The following ACSL1 variants were observed in gnomAD, a reference collection of about 807,000 sequenced individuals.
ACSL1 encodes long-chain-fatty-acid--CoA ligase 1.
A neutral mutation model predicts 98.4 loss-of-function variants in ACSL1; 41 were observed. The observed-to-expected ratio is 0.42, with a 90% CI of 0.32 to 0.54. The LOEUF is 0.54. Ranked by LOEUF, ACSL1 falls within the 20% of genes least tolerant of loss-of-function variation. The probability of loss-of-function intolerance (pLI) is 0.13; values close to 1 mark genes in which losing one functional copy is unlikely to be tolerated. For synonymous variants in ACSL1, 316 were observed against 322.7 expected (o/e 0.98, Z 0.22); for missense variants, 734 against 883.1 (o/e 0.83, Z 2.14).
Position 184,766,717 on chromosome 4 carries a change from A to G in ACSL1, c.1168T>C (p.Leu390=), listed in dbSNP as rs538205726. 1.8e-4 allele frequency: 289 copies of G among 1,614,084 alleles called. 5 individuals are homozygous for G. The South Asian group carries it at 3.1e-3, about 17-fold the overall frequency. Residue 390 remains leucine (L), a synonymous_variant, in exon 13 of 21, where the codon TTG becomes CTG. Coordinates refer to ENST00000281455, the MANE Select transcript of ACSL1 (RefSeq NM_001995.5). The surrounding 1 kb of genome is among the most constrained non-coding windows in gnomAD (Gnocchi z 4.8). ...TCTTTCCTCTTGGAGGCAAAGTCCA[A>G]GAGCCATCGCTTCAGCGTGGTGTTT... The part of the protein sequence containing the change: ...QANTTLKRWL[L]DFASKRKEAE...
In ACSL1 at chr4:184,762,416, T is replaced by C. The variant is rs1181257818; in HGVS notation, c.1629A>G (p.Lys543=). The C allele has an allele frequency of 9.9e-6, 16 of 1,613,826 alleles. No individual in the cohort carries two copies. Among genetic ancestry groups the C allele is most frequent in the Non-Finnish European group, 1.2e-5 (14 of 1,179,702 alleles). ...DGWLHTGDIG[K]WLPNGTLKII... ...GGAGGCGGCAACTTACTGGTAACCA[T>C]TTTCCAATGTCCCCTGTGTGTAACC... Residue 543 remains lysine (K), a synonymous_variant, in exon 17 of 21, where the codon AAA becomes AAG. Transcript: ENST00000281455.
chr4:184,803,447 C>A lies in ACSL1; in HGVS notation c.68G>T (p.Arg23Leu). 1 of 1,613,526 alleles carries A rather than the reference C, an allele frequency of 6.2e-7. No individual in the cohort carries two copies. Among genetic ancestry groups the A allele is most frequent in the Non-Finnish European group, 8.5e-7 (1 of 1,179,772 alleles). Reference sequence around the variant, plus strand: ...CATAAGCGTGTTGGTCGGAAGAGTACGCACGTACTGTCGGAAGTCAACCAG... The same window carrying A: ...CATAAGCGTGTTGGTCGGAAGAGTAAGCACGTACTGTCGGAAGTCAACCAG... The part of the protein sequence containing the change: ...PELVDFRQYV[R>L]TLPTNTLMGF... The change falls in exon 2 of 21, where the codon CGT (arginine) becomes CTT (leucine). Residue 23 changes from arginine to leucine, a missense_variant. Physicochemically the swap from Arg to Leu is moderately radical, Grantham distance 102. Coordinates refer to ENST00000281455, the MANE Select transcript of ACSL1 (RefSeq NM_001995.5). The surrounding 1 kb of genome is among the most constrained non-coding windows in gnomAD (Gnocchi z 4.8).
chr4:184,770,359 C>T (rs937675681), intron 11 of ACSL1, 40 bp downstream of exon 11: 1 of 1,608,028 alleles, frequency 6.2e-7, no homozygotes, highest in Non-Finnish European at 8.5e-7. Flanking sequence ...CTTAGCAGAA[C>T]ATACACAAAC....
At chr4:184,821,193 C>A (rs1210374016) in intron 1 of ACSL1, 5 of 443,266 alleles carry the variant, frequency 1.1e-5, no homozygotes, top group Admixed American at 2.4e-5. Context: ...GCTACCACCT[C>A]GGTCAGCTAC....
At chr4:184,812,032 G>T in intron 1 of ACSL1, 2 of 362,344 alleles carry the variant, frequency 5.5e-6, no homozygotes, top group Non-Finnish European at 7.7e-6. Context: ...GGAGGCGGCG[G>T]TTCCACAACT....
chr4:184,773,486 G>A lies in ACSL1; in HGVS notation c.841+177C>T, dbSNP rs879873615. On this transcript the variant is annotated intron_variant, in intron 9 of 20. Transcript: ENST00000281455. The surrounding 1 kb of genome is among the most constrained non-coding windows in gnomAD (Gnocchi z 4.3). ...TCAATAAATGTTTGAGGAATTATCC[G>A]GCACTCTTGGACTCTGAGAAGATCT... Among the ~76,000 whole-genome samples the A allele has an allele frequency of 6.6e-6, 1 of 152,044 alleles. No individual in the cohort carries two copies. The highest frequency in any genetic ancestry group is 6.6e-5 in the Admixed American group (1 of 15,252).
chr4:184,810,696 T>C (rs1489296743), intron 1 of ACSL1, among the ~76,000 whole-genome samples: 1 of 152,000 alleles, frequency 6.6e-6, no homozygotes, highest in Non-Finnish European at 1.5e-5. Context: ...CGCACATTAA[T>C]CTGGAACAAA....
At position 184,773,195 on chromosome 4, in the gene ACSL1, C is replaced by T. The variant is rs1297881267; in HGVS notation, c.842-41G>A. ...GAAGCAGAACAAAGTTAAAGAATGA[C>T]AGAAATGAAGGAGGCCCAGAAACCT... On this transcript the variant is annotated intron_variant, in intron 9 of 20. Transcript: ENST00000281455. The surrounding 1 kb of genome is among the most constrained non-coding windows in gnomAD (Gnocchi z 4.3). 1.3e-6 allele frequency: 2 copies of T among 1,572,846 alleles called. No homozygotes were observed. Among genetic ancestry groups the T allele is most frequent in the Non-Finnish European group, 1.7e-6 (2 of 1,144,020 alleles).
At chr4:184,764,020 T>C (rs185835299) in intron 15 of ACSL1, among the ~76,000 whole-genome samples, 1 of 152,208 alleles carries the variant, frequency 6.6e-6, no homozygotes, top group African/African-American at 2.4e-5. Context: ...ACAATGATGT[T>C]AGTGGACAGT....
In ACSL1 at chr4:184,803,447, C is replaced by T. The variant is rs1482567949; in HGVS notation, c.68G>A (p.Arg23His). ...CATAAGCGTGTTGGTCGGAAGAGTA[C>T]GCACGTACTGTCGGAAGTCAACCAG... The part of the protein sequence containing the change: ...PELVDFRQYV[R>H]TLPTNTLMGF... The change falls in exon 2 of 21, where the codon CGT (arginine) becomes CAT (histidine). Residue 23 changes from arginine to histidine, a missense_variant. Transcript: ENST00000281455. This position sits in a 1 kb window ranked among gnomAD's most constrained non-coding sequence, Gnocchi z 4.8. 1.1e-5 allele frequency: 18 copies of T among 1,613,408 alleles called. No homozygotes were observed. The highest frequency in any genetic ancestry group is 5.3e-5 in the African/African-American group (4 of 74,872).
At chr4:184,802,596 G>C (rs1440883140) in intron 2 of ACSL1, among the ~76,000 whole-genome samples, 4 of 152,082 alleles carry the variant, frequency 2.6e-5, no homozygotes, top group African/African-American at 9.7e-5. Flanking sequence ...TTTCTCACTA[G>C]GGAAGGCAGG....
At chr4:184,800,685 C>T (rs2150429991) in intron 2 of ACSL1, among the ~76,000 whole-genome samples, 1 of 152,340 alleles carries the variant, frequency 6.6e-6, no homozygotes, top group African/African-American at 2.4e-5. Context: ...GCTGCCACTA[C>T]AGACACAAGG....
At chr4:184,822,447 A>G (rs1209433814) in intron 1 of ACSL1, among the ~76,000 whole-genome samples, 1 of 152,232 alleles carries the variant, frequency 6.6e-6, no homozygotes, top group Non-Finnish European at 1.5e-5. Flanking sequence ...AGTCAAGAAC[A>G]TGAAAGTGGG....
At chr4:184,768,830 G>A (rs1460694149) in intron 11 of ACSL1, among the ~76,000 whole-genome samples, 1 of 152,126 alleles carries the variant, frequency 6.6e-6, no homozygotes, top group East Asian at 1.9e-4. Flanking sequence ...AGCACTTTGG[G>A]AGGCCGAGGC....
chr4:184,814,209 T>G (rs190719523), intron 1 of ACSL1, among the ~76,000 whole-genome samples: 1 of 143,260 alleles, frequency 7.0e-6, no homozygotes, highest in Non-Finnish European at 1.5e-5. Context: ...GAGAATGGCA[T>G]GAACCCGGGA....
intron 3 of ACSL1, among the ~76,000 whole-genome samples, chr4:184,785,556 T>C (rs1373012689): frequency 7.8e-6 from 1 of 127,610 alleles, no homozygotes; most frequent in Non-Finnish European, 1.6e-5. Flanking sequence ...AATTCTACAG[T>C]AGCCTAAGAA....
Position 184,825,863 on chromosome 4 carries a change from G to T in ACSL1, c.-33+53C>A, listed in dbSNP as rs1773444885. On this transcript the variant is annotated intron_variant, in intron 1 of 20. Transcript: ENST00000281455. The surrounding 1 kb of genome is among the most constrained non-coding windows in gnomAD (Gnocchi z 4.7). ...AACGTCAGCCGGCGCCTCGGCCGGG[G>T]CCCGGGCACCGCCGCGGGAGCAGGC... The T allele has an allele frequency of 6.7e-6, 1 of 148,740 alleles. No homozygotes were observed. Among genetic ancestry groups the T allele is most frequent in the African/African-American group, 2.4e-5 (1 of 41,088 alleles). 9.2% of individuals were successfully genotyped at this position (148,740 alleles called of 1,614,324 possible). A position where few individuals can be genotyped will look rare whatever the true frequency, so the allele number is the denominator to read the frequency against.
chr4:184,763,994 C>T (rs1489223059), intron 15 of ACSL1, among the ~76,000 whole-genome samples: 1 of 152,214 alleles, frequency 6.6e-6, no homozygotes, highest in Non-Finnish European at 1.5e-5. Context: ...CACAGACTGT[C>T]TGCGTTAATT....
chr4:184,788,433 C>G (rs748201824), intron 3 of ACSL1, 184 bp downstream of exon 3: 1 of 684,582 alleles, frequency 1.5e-6, no homozygotes, highest in South Asian at 1.5e-5. Flanking sequence ...CCCAGGGCCA[C>G]AGGGAACATC....
Sources: allele counts gnomAD v4.1 joint callset (sites outside exome capture counted in the v4.1 genomes callset), GRCh38; gene constraint gnomAD v4.1.1; non-coding constraint Gnocchi (gnomAD v3.1); transcripts MANE v1.5; gene names NCBI Gene and HGNC (gene_info 2026-07-23, HGNC 2026-07-21).